SCUBE2: variants seen among roughly 807,000 people sequenced by gnomAD.
SCUBE2 encodes signal peptide, CUB and EGF-like domain-containing protein 2.
A neutral mutation model predicts 125.9 loss-of-function variants in SCUBE2; 114 were observed. The observed-to-expected ratio is 0.91, with a 90% CI of 0.78 to 1.06. The LOEUF (loss-of-function observed/expected upper bound fraction) is 1.06. Ranked by LOEUF, SCUBE2 falls within the 50% of genes least tolerant of loss-of-function variation. The pLI, the probability that SCUBE2 is intolerant of heterozygous loss-of-function variation, is 0.00. For missense variants in SCUBE2, 1,255 were observed against 1,301.8 expected, an observed-to-expected ratio of 0.96 and a Z score of 0.55; for synonymous variants, 459 against 492.9, an observed-to-expected ratio of 0.93 and a Z score of 0.91.
intron 7 of SCUBE2, among the ~76,000 whole-genome samples, chr11:9,061,523 C>CA (rs1859682866): frequency 6.7e-6 from 1 of 149,576 alleles, no homozygotes; most frequent in African/African-American, 2.5e-5. Flanking sequence ...TGTGCCACTG[C>CA]ACTCCAGCCT....
At chr11:9,071,908 A>G (rs886929868) in intron 4 of SCUBE2, among the ~76,000 whole-genome samples, 1 of 152,138 alleles carries the variant, frequency 6.6e-6, no homozygotes, top group African/African-American at 2.4e-5. Context: ...GCACCCATGA[A>G]TAGGAACAAA....
Position 9,030,882 on chromosome 11 carries a change from A to C in SCUBE2, c.2217T>G (p.Pro739=). The C allele has an allele frequency of 6.2e-7, 1 of 1,614,206 alleles. No individual in the cohort carries two copies. The highest frequency in any genetic ancestry group is 1.3e-5 in the African/African-American group (1 of 75,072). Residue 739 remains proline (P), a synonymous_variant, in exon 18 of 23, where the codon CCT becomes CCG. Coordinates refer to ENST00000649792, the MANE Select transcript of SCUBE2 (RefSeq NM_001367977.2). ...ACGTGCCCAGGGCACAGAGCTGGCA[A>C]GGTGCAAAGCCATCTGCAGAATATT... ...PGEYSADGFA[P]CQLCALGTFQ...
chr11:9,023,114 A>G (rs1416822849), intron 21 of SCUBE2, among the ~76,000 whole-genome samples: 1 of 152,216 alleles, frequency 6.6e-6, no homozygotes, highest in Non-Finnish European at 1.5e-5. Flanking sequence ...TCCTATAGGC[A>G]TCATTCAAAT....
chr11:9,060,846 G>A (rs1859609095), intron 7 of SCUBE2, among the ~76,000 whole-genome samples: 1 of 152,182 alleles, frequency 6.6e-6, no homozygotes, highest in Admixed American at 6.5e-5. Flanking sequence ...GACCACATCT[G>A]GCAGGCTAGA....
chr11:9,032,187 C>T (rs1856368109), intron 17 of SCUBE2, among the ~76,000 whole-genome samples: 1 of 151,918 alleles, frequency 6.6e-6, no homozygotes, highest in Non-Finnish European at 1.5e-5. Context: ...GGCACAATCA[C>T]AGCTTACTAC....
chr11:9,070,529 C>CTG (rs1442339208), intron 4 of SCUBE2, among the ~76,000 whole-genome samples: 2 of 152,188 alleles, frequency 1.3e-5, no homozygotes, highest in Non-Finnish European at 2.9e-5. Flanking sequence ...CAATGTAACT[C>CTG]TAAAACATCT....
intron 14 of SCUBE2, 57 bp from the exon 15 acceptor site, chr11:9,048,155 C>A: frequency 6.5e-7 from 1 of 1,539,762 alleles, no homozygotes; most frequent in Admixed American, 1.9e-5. Flanking sequence ...CTCAGCTGAA[C>A]ATTTGCTAGA....
chr11:9,078,111 T>G (rs1861348872), intron 3 of SCUBE2, among the ~76,000 whole-genome samples: 1 of 152,154 alleles, frequency 6.6e-6, no homozygotes, highest in Admixed American at 6.5e-5. Flanking sequence ...GAGCAACCCA[T>G]GTGGTATGCC....
chr11:9,042,338 C>T (rs1566184403), intron 16 of SCUBE2, among the ~76,000 whole-genome samples: 2 of 152,130 alleles, frequency 1.3e-5, no homozygotes, highest in Admixed American at 6.5e-5. Context: ...TAGATCCTCA[C>T]CGTCTCTTAT....
rs1855697722 is a variant in SCUBE2 at position 9,025,827 on chromosome 11, T to C, written c.2729A>G (p.Glu910Gly). The C allele has an allele frequency of 6.2e-7, 1 of 1,613,994 alleles. No homozygotes were observed. The highest frequency in any genetic ancestry group is 1.7e-5 in the Admixed American group (1 of 59,980). ...GGGGCGTTCGTAGGTCTGGCAGGTT[T>C]CATATGTTGTCACAGAATTGGATGA... is the stretch of plus-strand genomic sequence containing the variant. The part of the protein sequence containing the change: ...TSSSNSVTTY[E>G]TCQTYERPIA... The change falls in exon 21 of 23, where the codon GAA becomes GGA. Residue 910 changes from glutamate (E) to glycine (G), a missense_variant. By Grantham distance (98) the Glu-to-Gly change is moderately conservative. This residue lies in a region of SCUBE2 where 515 missense variants were observed against 515.7 expected (regional missense o/e 1.00). Coordinates refer to ENST00000649792, the MANE Select transcript of SCUBE2 (RefSeq NM_001367977.2).
At position 9,053,688 on chromosome 11, in the gene SCUBE2, A is replaced by G; in HGVS notation, c.1279T>C (p.Cys427Arg). 1.9e-6 allele frequency: 3 copies of G among 1,614,144 alleles called. No homozygotes were observed. Among genetic ancestry groups the G allele is most frequent in the Non-Finnish European group, 2.5e-6 (3 of 1,180,004 alleles). The stretch of plus-strand genomic sequence containing the variant: ...AGCTTGTACCCAGGGTGGCACTGGC[A>G]TTCATAGCTGCCCACTGTGTTCACA... Reference protein sequence around the residue: ...VCVNTVGSYECQCHPGYKLHW... With the variant: ...VCVNTVGSYERQCHPGYKLHW... The change falls in exon 11 of 23, where the codon TGC (cysteine) becomes CGC (arginine). Residue 427 changes from cysteine (C) to arginine (R), a missense_variant. This residue lies in a region of SCUBE2 where 378 missense variants were observed against 463.1 expected (regional missense o/e 0.82). Transcript: ENST00000649792.
chr11:9,035,252 A>G (rs1054760140), intron 16 of SCUBE2, among the ~76,000 whole-genome samples: 6 of 152,204 alleles, frequency 3.9e-5, no homozygotes, highest in African/African-American at 1.2e-4. Flanking sequence ...ATAGTATTTC[A>G]TTTATTCCTC....
At chr11:9,061,966 A>G (rs1859728347) in intron 7 of SCUBE2, among the ~76,000 whole-genome samples, 1 of 152,346 alleles carries the variant, frequency 6.6e-6, no homozygotes. Flanking sequence ...TGGAGAGTCT[A>G]CATATGAAAG....
chr11:9,029,735 G>T, intron 19 of SCUBE2, 149 bp downstream of exon 19: 1 of 827,250 alleles, frequency 1.2e-6, no homozygotes, highest in South Asian at 1.6e-5. Context: ...CTCTCTCCAT[G>T]CTGGTCTGCA....
chr11:9,038,534 G>A (rs963329902), intron 16 of SCUBE2, among the ~76,000 whole-genome samples: 1 of 152,162 alleles, frequency 6.6e-6, no homozygotes, highest in African/African-American at 2.4e-5. Flanking sequence ...AGAATAGCTT[G>A]AGCCCAGGAG....
intron 2 of SCUBE2, among the ~76,000 whole-genome samples, chr11:9,087,239 G>A (rs941438048): frequency 6.6e-6 from 1 of 152,106 alleles, no homozygotes; most frequent in Admixed American, 6.5e-5. Context: ...GGAAACTCTT[G>A]CCAATTGTCA....
At chr11:9,066,241 T>G (rs1860217727) in intron 6 of SCUBE2, among the ~76,000 whole-genome samples, 1 of 152,200 alleles carries the variant, frequency 6.6e-6, no homozygotes, top group South Asian at 2.1e-4. Context: ...GAATGCAAGC[T>G]TCAGTCCCCT....
chr11:9,055,384 C>G (rs1224384252), intron 10 of SCUBE2, among the ~76,000 whole-genome samples: 2 of 152,196 alleles, frequency 1.3e-5, no homozygotes, highest in Non-Finnish European at 1.5e-5. Flanking sequence ...GCAGCCAGTT[C>G]CTATGCATAG....
chr11:9,057,867 T>C (rs1024687132), intron 9 of SCUBE2, among the ~76,000 whole-genome samples: 19 of 152,150 alleles, frequency 1.2e-4, no homozygotes, highest in Non-Finnish European at 7.4e-5. Context: ...AATTAGTCCT[T>C]ATTCCCAAAA....
Sources: gnomAD v4.1 joint callset for allele counts (sites outside exome capture counted in the v4.1 genomes callset) on GRCh38, gnomAD v4.1.1 for gene constraint, gnomAD v4.1.1 regional missense constraint, MANE v1.5 for transcripts, NCBI Gene and HGNC (gene_info 2026-07-23, HGNC 2026-07-21) for gene names.